The following EPHA4 variants were observed in gnomAD, a reference collection of about 807,000 sequenced individuals.
EPHA4 encodes EPH receptor A4, also known as ephrin type-A receptor 4.
Under a neutral mutation model 108.3 loss-of-function variants are expected in EPHA4, and 19 were observed. The ratio of observed to expected loss-of-function variants is 0.18; its 90% CI spans 0.12 to 0.26. The LOEUF (loss-of-function observed/expected upper bound fraction) is 0.26, where lower values mean the gene tolerates loss of function less well. Ranked by LOEUF, EPHA4 falls within the 10% of genes least tolerant of loss-of-function variation. The pLI is 1.00. For synonymous variants in EPHA4, 449 were observed against 455.5 expected, an observed-to-expected ratio of 0.99 and a Z score of 0.18; for missense variants, 917 against 1,254.0, an observed-to-expected ratio of 0.73 and a Z score of 4.06.
At chr2:221,458,597 A>T (rs1281480717) in intron 5 of EPHA4, among the ~76,000 whole-genome samples, 1 of 152,236 alleles carries the variant, frequency 6.6e-6, no homozygotes, top group Non-Finnish European at 1.5e-5. Flanking sequence ...CTCTCTGAAC[A>T]TGCGTGGCAT....
At position 221,540,599 on chromosome 2, in the gene EPHA4, G is replaced by A. The variant is rs142638932; in HGVS notation, c.823+23132C>T. ...GAAACTTTTCATTGCCTGTGAAGTAGGAAAGGCAATCACTGTTGAATTGCA... is the reference window on the plus strand; with the variant it reads ...GAAACTTTTCATTGCCTGTGAAGTAAGAAAGGCAATCACTGTTGAATTGCA... On this transcript the variant is annotated intron_variant, in intron 3 of 17. Coordinates refer to ENST00000281821, the MANE Select transcript of EPHA4 (RefSeq NM_004438.5). Among the ~76,000 whole-genome samples, 246 of 152,282 alleles carry A rather than the reference G, an allele frequency of 1.6e-3. 1 individual carries two copies. The East Asian group carries it at 0.02, about 12-fold the overall frequency.
In EPHA4 at chr2:221,437,683, A is replaced by T. The variant is rs191876088; in HGVS notation, c.2075-561T>A. Among the ~76,000 whole-genome samples the T allele has an allele frequency of 6.9e-4, 105 of 151,546 alleles. 1 individual carries two copies. Among genetic ancestry groups the T allele is most frequent in the South Asian group, 1.9e-3 (9 of 4,794 alleles). On this transcript the variant is annotated intron_variant, in intron 11 of 17. Transcript: ENST00000281821. ...TCTCAGCACTTTGGGAGGCCAAGAC[A>T]GTCGGATTGCCTCAGGTCAGGAGTT...
rs765265155 is a variant in EPHA4 at position 221,456,787 on chromosome 2, G to C, written c.1444-15C>G. 6 of 1,610,976 alleles carry C rather than the reference G, an allele frequency of 3.7e-6. No homozygotes were observed. The highest frequency in any genetic ancestry group is 1.3e-5 in the African/African-American group (1 of 74,834). On this transcript the variant is annotated splice_polypyrimidine_tract_variant and intron_variant, in intron 6 of 17. Coordinates refer to ENST00000281821, the MANE Select transcript of EPHA4 (RefSeq NM_004438.5). ...TCATTCTGATCCTACATCATGGCAAGATAAAATTGGGGAAGGTGGCAAAAT... is the reference window on the plus strand; with the variant it reads ...TCATTCTGATCCTACATCATGGCAACATAAAATTGGGGAAGGTGGCAAAAT...
chr2:221,515,429 C>A lies in EPHA4; in HGVS notation c.824-14257G>T, dbSNP rs147954556. Among the ~76,000 whole-genome samples, 227 of 152,316 alleles carry A rather than the reference C, an allele frequency of 1.5e-3. 2 individuals are homozygous for A. The highest frequency in any genetic ancestry group is 2.6e-3 in the Non-Finnish European group (180 of 68,026). On this transcript the variant is annotated intron_variant, in intron 3 of 17. Coordinates refer to ENST00000281821, the MANE Select transcript of EPHA4 (RefSeq NM_004438.5). ...CAATTTAAGAAACATTATTTGATAT[C>A]TCATTATTAATTAGTCTTCTTTTTC...
chr2:221,472,744 T>C (rs910130369), intron 5 of EPHA4, among the ~76,000 whole-genome samples: 1 of 152,168 alleles, frequency 6.6e-6, no homozygotes, highest in Non-Finnish European at 1.5e-5. Flanking sequence ...AAGAATAGAA[T>C]AGTAATAGAA....
chr2:221,432,147 G>GTGTA lies in EPHA4; in HGVS notation c.2496+1994_2496+1995insTACA, dbSNP rs1553567796. 1.6e-3 allele frequency among the ~76,000 whole-genome samples: 245 copies of GTGTA among 148,874 alleles called. 2 individuals are homozygous for GTGTA. Among genetic ancestry groups the GTGTA allele is most frequent in the African/African-American group, 5.9e-3 (238 of 40,564 alleles). ...ATATTGTTTTTTTATATATATGTGTGTATATATATATAAAATACATATATA... is the reference window on the plus strand; with the variant it reads ...ATATTGTTTTTTTATATATATGTGTGTGTATATATATATATAAAATACATATATA... On this transcript the variant is annotated intron_variant, in intron 14 of 17. Coordinates refer to ENST00000281821, the MANE Select transcript of EPHA4 (RefSeq NM_004438.5).
intron 5 of EPHA4, among the ~76,000 whole-genome samples, chr2:221,468,479 C>A (rs1025250970): frequency 1.3e-5 from 2 of 152,168 alleles, no homozygotes; most frequent in Non-Finnish European, 2.9e-5. Context: ...AGCTTGTAGG[C>A]TTCAGGTTCT....
At chr2:221,532,311 C>T (rs1000963461) in intron 3 of EPHA4, among the ~76,000 whole-genome samples, 3 of 151,854 alleles carry the variant, frequency 2.0e-5, no homozygotes, top group Admixed American at 6.6e-5. Flanking sequence ...TTAGTAGAGA[C>T]GGGGTTTCAC....
chr2:221,518,666 CT>C (rs1406226412), intron 3 of EPHA4, among the ~76,000 whole-genome samples: 1 of 152,234 alleles, frequency 6.6e-6, no homozygotes, highest in Non-Finnish European at 1.5e-5. Context: ...TTCAGATTTA[CT>C]TTTCTTTTTC....
chr2:221,520,541 C>G (rs1017496423), intron 3 of EPHA4, among the ~76,000 whole-genome samples: 16 of 34,944 alleles, frequency 4.6e-4, no homozygotes, highest in Non-Finnish European at 6.7e-4. Flanking sequence ...CACACACACA[C>G]ACAGAGAGAG....
chr2:221,572,068 C>A, intron 1 of EPHA4, 90 bp downstream of exon 1: 1 of 1,093,432 alleles, frequency 9.1e-7, no homozygotes, highest in Non-Finnish European at 1.4e-6. Context: ...TGGGCTCCCC[C>A]CGCACCACCT....
At chr2:221,473,649 T>C (rs765068435) in intron 5 of EPHA4, among the ~76,000 whole-genome samples, 1 of 151,530 alleles carries the variant, frequency 6.6e-6, no homozygotes, top group Non-Finnish European at 1.5e-5. Context: ...TGATGTTCAA[T>C]TGCAGACTGG....
In EPHA4 at chr2:221,566,566, C is replaced by T. The variant is rs183089974; in HGVS notation, c.159+2152G>A. Reference sequence around the variant, plus strand: ...TTGGAATGACTAATTCTTTTATATACAAATAAAATTATTTATCTTACAATA... The same window carrying T: ...TTGGAATGACTAATTCTTTTATATATAAATAAAATTATTTATCTTACAATA... On this transcript the variant is annotated intron_variant, in intron 2 of 17. Coordinates refer to ENST00000281821, the MANE Select transcript of EPHA4 (RefSeq NM_004438.5). 1.8e-4 allele frequency among the ~76,000 whole-genome samples: 28 copies of T among 151,414 alleles called. No individual in the cohort carries two copies. The East Asian group carries it at 5.4e-3, about 29-fold the overall frequency.
intron 3 of EPHA4, among the ~76,000 whole-genome samples, chr2:221,554,118 A>C (rs1341215856): frequency 6.6e-6 from 1 of 152,252 alleles, no homozygotes; most frequent in African/African-American, 2.4e-5. Context: ...CCAGATAAGC[A>C]GCTGAATTTT....
chr2:221,424,266 T>C (rs60271423), intron 17 of EPHA4, among the ~76,000 whole-genome samples: 2,660 of 152,074 alleles, frequency 0.017, 64 homozygotes, highest in African/African-American at 0.061. Flanking sequence ...GTTGGAGTAG[T>C]TTTAAAAACA....
intron 3 of EPHA4, among the ~76,000 whole-genome samples, chr2:221,551,754 C>T (rs1029290668): frequency 6.6e-6 from 1 of 152,046 alleles, no homozygotes; most frequent in African/African-American, 2.4e-5. Flanking sequence ...TCATTTGAGA[C>T]CATTCAGTGG....
At chr2:221,498,160 G>T (rs532035641) in intron 4 of EPHA4, among the ~76,000 whole-genome samples, 1 of 152,286 alleles carries the variant, frequency 6.6e-6, no homozygotes, top group African/African-American at 2.4e-5. Flanking sequence ...CCCCTTAAAT[G>T]CTAAACAGGT....
At chr2:221,490,258 TA>T (rs796139643) in intron 4 of EPHA4, among the ~76,000 whole-genome samples, 4,110 of 115,774 alleles carry the variant, frequency 0.036, 162 homozygotes, top group African/African-American at 0.11. Flanking sequence ...TGCTAAAATG[TA>T]AAAAAAAAAA....
At chr2:221,477,915 ATGTT>A (rs1441750665) in intron 5 of EPHA4, among the ~76,000 whole-genome samples, 2 of 152,142 alleles carry the variant, frequency 1.3e-5, no homozygotes, top group Admixed American at 1.3e-4. Context: ...CATGCTACAG[ATGTT>A]TGTTTGTCAC....
Sources: allele counts gnomAD v4.1 joint callset (sites outside exome capture counted in the v4.1 genomes callset), GRCh38; gene constraint gnomAD v4.1.1; transcripts MANE v1.5; gene names NCBI Gene and HGNC (gene_info 2026-07-23, HGNC 2026-07-21).